The following SLC8A3 variants were observed in gnomAD, a reference collection of about 807,000 sequenced individuals.
The protein encoded by SLC8A3 is solute carrier family 8 member A3.
In SLC8A3, 37 loss-of-function variants were observed where a neutral mutation model predicts 65.4. The observed-to-expected ratio is 0.57, with a 90% CI of 0.44 to 0.74. The LOEUF (loss-of-function observed/expected upper bound fraction) is 0.74, where lower values mean the gene tolerates loss of function less well. Ranked by LOEUF, SLC8A3 falls within the 30% of genes least tolerant of loss-of-function variation. The pLI, the probability that SLC8A3 is intolerant of heterozygous loss-of-function variation, is 0.00. For missense variants in SLC8A3, 1,112 were observed against 1,172.1 expected (o/e 0.95, Z 0.75); for synonymous variants, 461 against 444.5 (o/e 1.04, Z -0.47).
rs1457363822 is a variant in SLC8A3 at position 70,174,651 on chromosome 14, GTTTTTTTTTTGTT to G, written c.-62-6180_-62-6168del. 9.7e-3 allele frequency among the ~76,000 whole-genome samples: 877 copies of G among 90,278 alleles called. 44 individuals are homozygous for G. Among genetic ancestry groups the G allele is most frequent in the Middle Eastern group, 0.021 (3 of 146 alleles). 59.2% of individuals were successfully genotyped at this position (90,278 alleles called of 152,430 possible). A position where few individuals can be genotyped will look rare whatever the true frequency, so the allele number is the denominator to read the frequency against. ...CCAAAAAGCCCCTTGGACCAAATCCGTTTTTTTTTTGTTTTTTTTTTTTTTTTTTTTTTTTTTT... is the reference window on the plus strand; with the variant it reads ...CCAAAAAGCCCCTTGGACCAAATCCGTTTTTTTTTTTTTTTTTTTTTTTTT... On this transcript the variant is annotated intron_variant, in intron 1 of 6. Transcript: ENST00000356921.
rs8014714 is a variant in SLC8A3, at chr14:70,170,054, A to C, written c.-62-1570T>G. Among the ~76,000 whole-genome samples the C allele has an allele frequency of 2.0e-5, 3 of 151,930 alleles. No individual in the cohort carries two copies. The South Asian group carries it at 6.2e-4, about 32-fold the overall frequency. On this transcript the variant is annotated intron_variant, in intron 1 of 6. Transcript: ENST00000356921. ...AATGGAGCTCACCACTCCAACTCTC[A>C]CTAGTTCTCAATTCCACTTTCCTCA...
At chr14:70,109,472 T>TAA (rs1491059838) in intron 2 of SLC8A3, among the ~76,000 whole-genome samples, 1 of 129,988 alleles carries the variant, frequency 7.7e-6, no homozygotes, top group Non-Finnish European at 1.7e-5. Flanking sequence ...TATATATATA[T>TAA]AAAACAGAGT....
At chr14:70,123,852 A>G (rs1894254246) in intron 2 of SLC8A3, among the ~76,000 whole-genome samples, 1 of 152,198 alleles carries the variant, frequency 6.6e-6, no homozygotes, top group Non-Finnish European at 1.5e-5. Context: ...ACATCTATTT[A>G]AGAGGACTTA....
At chr14:70,134,354 T>G (rs1895049783) in intron 2 of SLC8A3, among the ~76,000 whole-genome samples, 1 of 152,200 alleles carries the variant, frequency 6.6e-6, no homozygotes, top group East Asian at 1.9e-4. Context: ...TATTGTTGAC[T>G]GGGGAGGGGG....
chr14:70,059,027 A>G (rs909860636), intron 3 of SLC8A3: 1 of 152,268 alleles, frequency 6.6e-6, no homozygotes, highest in African/African-American at 2.4e-5. Context: ...GGGCAAGAAT[A>G]CAATGTGGGA....
At chr14:70,144,320 T>TTTG (rs1895768160) in intron 2 of SLC8A3, among the ~76,000 whole-genome samples, 1 of 142,704 alleles carries the variant, frequency 7.0e-6, no homozygotes, top group Non-Finnish European at 1.5e-5. Context: ...TTTTTTTTTT[T>TTTG]TTTTTTTTTT....
intron 2 of SLC8A3, among the ~76,000 whole-genome samples, chr14:70,109,987 A>G (rs999688535): frequency 6.6e-6 from 1 of 152,170 alleles, no homozygotes; most frequent in African/African-American, 2.4e-5. Context: ...TTCTAGTTTT[A>G]CAATATGGAG....
chr14:70,187,620 TGTGTGTGTGTGTGTGTGTG>T (rs1594839858), intron 1 of SLC8A3, among the ~76,000 whole-genome samples: 9 of 117,294 alleles, frequency 7.7e-5, no homozygotes, highest in South Asian at 2.5e-4. Flanking sequence ...TGTGTGTGTG[TGTGTGTGTGTGTGTGTGTG>T]TCCGCGCGCG....
intron 2 of SLC8A3, among the ~76,000 whole-genome samples, chr14:70,152,339 A>C (rs1896321447): frequency 6.6e-6 from 1 of 152,216 alleles, no homozygotes; most frequent in African/African-American, 2.4e-5. Flanking sequence ...ATCTTACCAG[A>C]GAAATCTTAA....
At chr14:70,130,455 C>T (rs1894750566) in intron 2 of SLC8A3, among the ~76,000 whole-genome samples, 1 of 152,166 alleles carries the variant, frequency 6.6e-6, no homozygotes, top group Admixed American at 6.5e-5. Context: ...CATGCAGATA[C>T]AAATGATATT....
At chr14:70,102,043 T>C (rs1042460415) in intron 2 of SLC8A3, among the ~76,000 whole-genome samples, 1 of 152,188 alleles carries the variant, frequency 6.6e-6, no homozygotes, top group African/African-American at 2.4e-5. Flanking sequence ...CTGCAAGTCT[T>C]TGGCTGAAGG....
chr14:70,098,952 C>T (rs372465387), intron 2 of SLC8A3, among the ~76,000 whole-genome samples: 10 of 152,152 alleles, frequency 6.6e-5, no homozygotes, highest in African/African-American at 1.2e-4. Context: ...TTGCAGCCCA[C>T]GGTTCTCCGG....
At chr14:70,061,838 G>A (rs1336523303) in intron 2 of SLC8A3, among the ~76,000 whole-genome samples, 7 of 152,066 alleles carry the variant, frequency 4.6e-5, no homozygotes, top group Non-Finnish European at 1.0e-4. Context: ...CATGGGTCTG[G>A]GGCACAAGGT....
chr14:70,184,431 C>G (rs1426561965), intron 1 of SLC8A3, among the ~76,000 whole-genome samples: 1 of 152,212 alleles, frequency 6.6e-6, no homozygotes, highest in African/African-American at 2.4e-5. Flanking sequence ...TAATCTCTGT[C>G]TTCAGTCATT....
chr14:70,186,062 G>C (rs970377465), intron 1 of SLC8A3, among the ~76,000 whole-genome samples: 1 of 152,192 alleles, frequency 6.6e-6, no homozygotes, highest in South Asian at 2.1e-4. Flanking sequence ...TAATCCCTAC[G>C]TGTCCTGGGA....
intron 2 of SLC8A3, among the ~76,000 whole-genome samples, chr14:70,155,826 C>T (rs903748274): frequency 2.4e-4 from 36 of 152,334 alleles, no homozygotes; most frequent in African/African-American, 8.7e-4. Flanking sequence ...AAGCATTTTA[C>T]ATCAGTTAAA....
intron 2 of SLC8A3, among the ~76,000 whole-genome samples, chr14:70,124,440 T>A (rs1467223242): frequency 6.6e-6 from 1 of 152,248 alleles, no homozygotes; most frequent in African/African-American, 2.4e-5. Context: ...CATTGTCCCT[T>A]TCCCTCCATT....
In SLC8A3 at chr14:70,049,019, A is replaced by T; in HGVS notation, c.2137T>A (p.Ser713Thr). 6.2e-7 allele frequency: 1 copy of T among 1,612,574 alleles called. No homozygotes were observed. Among genetic ancestry groups the T allele is most frequent in the Non-Finnish European group, 8.5e-7 (1 of 1,178,974 alleles). Reference protein sequence around the residue: ...SAAGDEDEDESGEERLPSCFD... With the variant: ...SAAGDEDEDETGEERLPSCFD... ...CAGGAGGGCAGCCTCTCCTCCCCGGATTCATCCTCATCCTCATCCCCTGCT... is the reference window on the plus strand; with the variant it reads ...CAGGAGGGCAGCCTCTCCTCCCCGGTTTCATCCTCATCCTCATCCCCTGCT... The change falls in exon 6 of 7, where the codon TCC (serine) becomes ACC (threonine). Residue 713 changes from serine to threonine, a missense_variant. Transcript: ENST00000356921.
In SLC8A3 at chr14:70,045,917, C is replaced by A. The variant is rs1886706353; in HGVS notation, c.*30G>T. 1.3e-6 allele frequency: 2 copies of A among 1,543,356 alleles called. No homozygotes were observed. Among genetic ancestry groups the A allele is most frequent in the South Asian group, 1.2e-5 (1 of 80,658 alleles). On this transcript the variant is annotated 3_prime_UTR_variant, in exon 7 of 7. Coordinates refer to ENST00000356921, the MANE Select transcript of SLC8A3 (RefSeq NM_182932.3). The stretch of plus-strand genomic sequence containing the variant: ...CCCTTCTCTTAGGAGAAGTCCTAGG[C>A]CTGCCCTGCTGGAGGCTCTGTTGTG...
Sources: allele counts gnomAD v4.1 joint callset (sites outside exome capture counted in the v4.1 genomes callset), GRCh38; gene constraint gnomAD v4.1.1; transcripts MANE v1.5; gene names NCBI Gene and HGNC (gene_info 2026-07-23, HGNC 2026-07-21).